Variants in MTUS2 observed in about 807,000 individuals in gnomAD.
MTUS2 encodes the protein microtubule associated scaffold protein 2.
In MTUS2, 40 loss-of-function variants were observed where a neutral mutation model predicts 114.1. The ratio of observed to expected loss-of-function variants is 0.35; its 90% CI spans 0.27 to 0.46. The LOEUF is 0.46. MTUS2 is among the 20% of genes least tolerant of loss of function. The probability of loss-of-function intolerance (pLI) is 1.00; values close to 1 mark genes in which losing one functional copy is unlikely to be tolerated. For synonymous variants in MTUS2, 688 were observed against 672.0 expected (o/e 1.02, Z -0.37); for missense variants, 1,679 against 1,705.4 (o/e 0.98, Z 0.27).
intron 8 of MTUS2, among the ~76,000 whole-genome samples, chr13:29,367,271 C>T (rs1468442886): frequency 6.6e-6 from 1 of 152,014 alleles, no homozygotes; most frequent in Non-Finnish European, 1.5e-5. Flanking sequence ...ATTGGGCCTT[C>T]CGGGACAGCA....
chr13:28,976,203 CA>C (rs71090215), intron 2 of MTUS2, among the ~76,000 whole-genome samples: 22,932 of 89,772 alleles, frequency 0.26, 1,136 homozygotes, highest in African/African-American at 0.3. Flanking sequence ...GACCTTGTCT[CA>C]AAAAAAAAAA....
chr13:28,893,804 T>A (rs1879069910), intron 2 of MTUS2, among the ~76,000 whole-genome samples: 2 of 152,178 alleles, frequency 1.3e-5, no homozygotes, highest in South Asian at 4.1e-4. Flanking sequence ...TGATTATAAT[T>A]ATTCTTATCC....
chr13:29,362,852 C>G (rs1870383570), intron 8 of MTUS2, among the ~76,000 whole-genome samples: 3 of 152,164 alleles, frequency 2.0e-5, no homozygotes, highest in Admixed American at 6.5e-5. Context: ...AAGAATCTCC[C>G]TTTTCTGCCC....
intron 9 of MTUS2, among the ~76,000 whole-genome samples, chr13:29,458,924 C>T (rs1879296671): frequency 6.6e-6 from 1 of 152,230 alleles, no homozygotes; most frequent in Admixed American, 6.5e-5. Flanking sequence ...TTCTCTGCTC[C>T]ACAACGGCAT....
At chr13:29,259,454 C>T (rs906166698) in intron 5 of MTUS2, among the ~76,000 whole-genome samples, 8 of 152,288 alleles carry the variant, frequency 5.3e-5, no homozygotes, top group South Asian at 2.1e-4. Context: ...CTTAAGACTT[C>T]GTGTTGAAGC....
chr13:29,482,432 A>G (rs1297836333), intron 10 of MTUS2: 1 of 152,244 alleles, frequency 6.6e-6, no homozygotes, highest in African/African-American at 2.4e-5. Context: ...AATGACTTAC[A>G]TAAGCTACCT....
At chr13:29,101,352 G>A (rs546586540) in intron 5 of MTUS2, among the ~76,000 whole-genome samples, 7 of 151,786 alleles carry the variant, frequency 4.6e-5, no homozygotes, top group African/African-American at 1.4e-4. Flanking sequence ...TCATTTAGTC[G>A]CCTGTGATTA....
chr13:29,369,100 C>A (rs2388094), intron 8 of MTUS2, among the ~76,000 whole-genome samples: 8 of 149,418 alleles, frequency 5.4e-5, no homozygotes, highest in African/African-American at 2.0e-4. Flanking sequence ...GTTACAGATA[C>A]CAGGTACCAG....
At position 29,085,754 on chromosome 13, in the gene MTUS2, A is replaced by G. The variant is rs377372109; in HGVS notation, c.2447-15019A>G. On this transcript the variant is annotated intron_variant, in intron 4 of 15. Transcript: ENST00000612955. ...GAATAGTGCTATGATGAACATAGGCATGCATGTATCTTTTTGGTAGAATGA... is the reference window on the plus strand; with the variant it reads ...GAATAGTGCTATGATGAACATAGGCGTGCATGTATCTTTTTGGTAGAATGA... 2.6e-5 allele frequency among the ~76,000 whole-genome samples: 4 copies of G among 152,312 alleles called. No homozygotes were observed. The East Asian group carries it at 7.7e-4, about 29-fold the overall frequency.
At chr13:29,259,156 G>A (rs2139457464) in intron 5 of MTUS2, among the ~76,000 whole-genome samples, 1 of 152,308 alleles carries the variant, frequency 6.6e-6, no homozygotes, top group Middle Eastern at 3.4e-3. Flanking sequence ...ACTGCTCAGG[G>A]TGGGGGCGGA....
intron 2 of MTUS2, among the ~76,000 whole-genome samples, chr13:28,842,439 C>T (rs946610876): frequency 3.1e-4 from 47 of 152,206 alleles, no homozygotes; most frequent in African/African-American, 1.1e-3. Flanking sequence ...TTCATGTTTC[C>T]TTATCTTTCA....
At chr13:28,962,962 C>CT (rs1883397572) in intron 2 of MTUS2, among the ~76,000 whole-genome samples, 1 of 152,274 alleles carries the variant, frequency 6.6e-6, no homozygotes, top group Admixed American at 6.5e-5. Flanking sequence ...CCTTTCTACT[C>CT]TATCATTTCC....
intron 2 of MTUS2, among the ~76,000 whole-genome samples, chr13:28,940,281 G>T (rs2138128901): frequency 1.3e-5 from 2 of 152,260 alleles, no homozygotes; most frequent in East Asian, 3.9e-4. Flanking sequence ...AATATTATTA[G>T]CTATAAAAAG....
intron 4 of MTUS2, among the ~76,000 whole-genome samples, chr13:29,083,505 A>T (rs1186522026): frequency 1.3e-5 from 2 of 152,210 alleles, no homozygotes; most frequent in Admixed American, 1.3e-4. Flanking sequence ...TGAATGGAAC[A>T]TATTAGCCAA....
chr13:29,282,274 C>A (rs1051196974), intron 6 of MTUS2, among the ~76,000 whole-genome samples: 18 of 152,214 alleles, frequency 1.2e-4, no homozygotes, highest in Non-Finnish European at 2.2e-4. Flanking sequence ...CCAGGAGTGC[C>A]ATGCTCCTGC....
At chr13:29,293,294 A>G (rs1898794170) in intron 6 of MTUS2, among the ~76,000 whole-genome samples, 1 of 152,196 alleles carries the variant, frequency 6.6e-6, no homozygotes, top group Admixed American at 6.5e-5. Flanking sequence ...ATATGAATGC[A>G]TATTTTACAC....
At chr13:29,137,614 T>C (rs1892037101) in intron 5 of MTUS2, among the ~76,000 whole-genome samples, 1 of 151,854 alleles carries the variant, frequency 6.6e-6, no homozygotes, top group African/African-American at 2.4e-5. Flanking sequence ...TTCTTCCTTC[T>C]TTCTTCTTTC....
intron 2 of MTUS2, among the ~76,000 whole-genome samples, chr13:28,922,245 T>C (rs1471962183): frequency 6.6e-6 from 1 of 152,178 alleles, no homozygotes; most frequent in African/African-American, 2.4e-5. Context: ...GCCTCCTATA[T>C]AGCCTGTGGA....
intron 8 of MTUS2, among the ~76,000 whole-genome samples, chr13:29,435,888 T>C (rs1877370337): frequency 6.6e-6 from 1 of 152,170 alleles, no homozygotes. Context: ...CAGCAACATA[T>C]TCAGAGGTCA....
Sources: gnomAD v4.1 joint callset for allele counts (sites outside exome capture counted in the v4.1 genomes callset) on GRCh38, gnomAD v4.1.1 for gene constraint, MANE v1.5 for transcripts, NCBI Gene and HGNC (gene_info 2026-07-23, HGNC 2026-07-21) for gene names.